The following KIAA1671 variants were observed in gnomAD, a reference collection of about 807,000 sequenced individuals.
KIAA1671 encodes the protein uncharacterized protein KIAA1671.
In KIAA1671, 52 loss-of-function variants were observed where a neutral mutation model predicts 131.2. The ratio of observed to expected loss-of-function variants is 0.40; its 90% confidence interval spans 0.32 to 0.50. The LOEUF (loss-of-function observed/expected upper bound fraction) is 0.50, where lower values mean the gene tolerates loss of function less well. Ranked by LOEUF, KIAA1671 falls within the 20% of genes least tolerant of loss-of-function variation. The probability of loss-of-function intolerance (pLI) is 0.73; values close to 1 mark genes in which losing one functional copy is unlikely to be tolerated. For missense variants in KIAA1671, 2,360 were observed against 2,364.2 expected (o/e 1.00, Z 0.04); for synonymous variants, 1,003 against 961.6 (o/e 1.04, Z -0.80).
intron 1 of KIAA1671, among the ~76,000 whole-genome samples, chr22:24,985,840 G>C (rs938392263): frequency 6.6e-6 from 1 of 151,996 alleles, no homozygotes; most frequent in Non-Finnish European, 1.5e-5. Context: ...CCAACACCAG[G>C]AGAAACCTCT....
At chr22:25,187,587 G>A (rs1449186616) in intron 11 of KIAA1671, among the ~76,000 whole-genome samples, 1 of 152,082 alleles carries the variant, frequency 6.6e-6, no homozygotes, top group Admixed American at 6.5e-5. Context: ...CATGATTATA[G>A]CCTCGACCTC....
At chr22:25,095,179 C>T (rs1425564763) in intron 6 of KIAA1671, among the ~76,000 whole-genome samples, 2 of 152,166 alleles carry the variant, frequency 1.3e-5, no homozygotes, top group African/African-American at 4.8e-5. Context: ...GTTTCCCCCT[C>T]TGTAAAATGG....
chr22:25,067,802 A>G (rs1425695199), intron 6 of KIAA1671, among the ~76,000 whole-genome samples: 1 of 152,230 alleles, frequency 6.6e-6, no homozygotes, highest in African/African-American at 2.4e-5. Context: ...AAGGGGTGTC[A>G]GAAAGGCCCT....
At chr22:25,096,816 T>C (rs5760847) in intron 6 of KIAA1671, among the ~76,000 whole-genome samples, 41,204 of 152,116 alleles carry the variant, frequency 0.27, 6,935 homozygotes, top group African/African-American at 0.48. Context: ...ATCTGCTTTC[T>C]GCCACTGTGG....
intron 1 of KIAA1671, among the ~76,000 whole-genome samples, chr22:25,007,324 A>G (rs1311909368): frequency 6.6e-6 from 1 of 151,996 alleles, no homozygotes; most frequent in Non-Finnish European, 1.5e-5. Context: ...CCTCTCTACT[A>G]AAAATATAAA....
At chr22:25,003,319 C>G (rs1924572528) in intron 1 of KIAA1671, among the ~76,000 whole-genome samples, 1 of 151,060 alleles carries the variant, frequency 6.6e-6, no homozygotes, top group Non-Finnish European at 1.5e-5. Context: ...AAATACTTAT[C>G]TTGTTATTAT....
chr22:25,016,231 G>A (rs1419308902), intron 1 of KIAA1671, among the ~76,000 whole-genome samples: 2 of 152,070 alleles, frequency 1.3e-5, no homozygotes, highest in Admixed American at 6.6e-5. Flanking sequence ...ATATTGGCCA[G>A]GATGGTCTCG....
chr22:25,000,763 C>T (rs994178007), intron 1 of KIAA1671, among the ~76,000 whole-genome samples: 1 of 151,460 alleles, frequency 6.6e-6, no homozygotes, highest in East Asian at 1.9e-4. Flanking sequence ...GTGAATCCGC[C>T]TGCCTCGGCC....
chr22:25,144,126 C>A (rs913616363), intron 6 of KIAA1671, among the ~76,000 whole-genome samples: 1 of 152,208 alleles, frequency 6.6e-6, no homozygotes, highest in Non-Finnish European at 1.5e-5. Context: ...CATGTGTTCT[C>A]ACAGTCTCTT....
intron 6 of KIAA1671, among the ~76,000 whole-genome samples, chr22:25,107,177 A>G (rs1263774903): frequency 1.3e-5 from 2 of 152,122 alleles, no homozygotes; most frequent in Non-Finnish European, 2.9e-5. Flanking sequence ...GGGGCAGATC[A>G]CGAGATCAGG....
chr22:25,055,580 A>T (rs1214840841), intron 6 of KIAA1671: 1 of 149,722 alleles, frequency 6.7e-6, no homozygotes, highest in Non-Finnish European at 1.5e-5. Context: ...ATAAATAAAA[A>T]TTTAAAAATT....
At chr22:24,959,588 A>T (rs943975572) in intron 1 of KIAA1671, among the ~76,000 whole-genome samples, 3 of 151,860 alleles carry the variant, frequency 2.0e-5, no homozygotes, top group African/African-American at 7.3e-5. Context: ...ACATATATAT[A>T]TTTTTTCCTT....
intron 10 of KIAA1671, among the ~76,000 whole-genome samples, chr22:25,182,111 G>A (rs891790571): frequency 9.2e-5 from 14 of 152,030 alleles, no homozygotes; most frequent in African/African-American, 2.7e-4. Context: ...CCTGGGAGGC[G>A]GAGCTTGCAG....
intron 1 of KIAA1671, among the ~76,000 whole-genome samples, chr22:24,960,130 CAAATAAAT>C (rs56860953): frequency 0.038 from 5,621 of 146,940 alleles, 259 homozygotes; most frequent in African/African-American, 0.11. Flanking sequence ...GACTCCGTCT[CAAATAAAT>C]AAATAAATAA....
intron 1 of KIAA1671, among the ~76,000 whole-genome samples, chr22:24,968,881 T>C (rs1210717752): frequency 6.6e-6 from 1 of 152,136 alleles, no homozygotes; most frequent in Non-Finnish European, 1.5e-5. Flanking sequence ...TTTATTGTTT[T>C]ATTGTTTTGT....
chr22:25,106,394 G>A (rs887530930), intron 6 of KIAA1671, among the ~76,000 whole-genome samples: 4 of 152,144 alleles, frequency 2.6e-5, no homozygotes, highest in African/African-American at 4.8e-5. Context: ...TGAGCCTTTC[G>A]TAACCAGCAT....
chr22:25,101,246 G>A (rs1930650697), intron 6 of KIAA1671, among the ~76,000 whole-genome samples: 1 of 152,202 alleles, frequency 6.6e-6, no homozygotes, highest in Admixed American at 6.5e-5. Context: ...GGAATTAGGT[G>A]GGGGCCTGCC....
At chr22:25,165,388 C>T (rs1169998908) in intron 6 of KIAA1671, among the ~76,000 whole-genome samples, 1 of 152,176 alleles carries the variant, frequency 6.6e-6, no homozygotes, top group African/African-American at 2.4e-5. Context: ...GGTGTTCTGG[C>T]TCTGGAAGCA....
chr22:25,015,869 GCTAAT>G (rs1925286637), intron 1 of KIAA1671, among the ~76,000 whole-genome samples: 1 of 152,104 alleles, frequency 6.6e-6, no homozygotes, highest in Admixed American at 6.5e-5. Context: ...TCAAGACTTT[GCTAAT>G]TATGTCAATT....
Sources: allele counts gnomAD v4.1 joint callset (sites outside exome capture counted in the v4.1 genomes callset), GRCh38; gene constraint gnomAD v4.1.1; transcripts MANE v1.5; gene names NCBI Gene and HGNC (gene_info 2026-07-23, HGNC 2026-07-21).